Variants in BTK observed in about 807,000 individuals in gnomAD.
BTK encodes tyrosine-protein kinase BTK.
Under a neutral mutation model 57.4 loss-of-function variants are expected in BTK, and 5 were observed. The observed-to-expected ratio is 0.09, with a 90% confidence interval of 0.05 to 0.18. The LOEUF (loss-of-function observed/expected upper bound fraction) is 0.18, where lower values mean the gene tolerates loss of function less well. BTK is among the 10% of genes least tolerant of loss of function. The pLI, the probability that BTK is intolerant of heterozygous loss-of-function variation, is 1.00. For synonymous variants in BTK, 154 were observed against 174.3 expected (o/e 0.88, Z 0.92); for missense variants, 194 against 501.2 (o/e 0.39, Z 5.85).
At position 101,374,508 on chromosome X, in the gene BTK, C is replaced by T. The variant is rs188068482; in HGVS notation, c.240+28G>A. On this transcript the variant is annotated intron_variant, in intron 3 of 18. Transcript: ENST00000308731. ...GCAAATTTCTTCAAATCTGCTGTTC[C>T]CCATCTCAGACATTGGTCTCTTCTT... is the stretch of plus-strand genomic sequence containing the variant. 9.5e-5 allele frequency: 107 copies of T among 1,130,787 alleles called. No homozygotes were observed. In the East Asian group the frequency reaches 2.4e-3, roughly 26 times the overall value. 93.2% of individuals were successfully genotyped at this position (1,130,787 alleles called of 1,213,427 possible).
intron 4 of BTK, among the ~76,000 whole-genome samples, chrX:101,370,507 C>T (rs1262628024): frequency 8.9e-6 from 1 of 111,745 alleles, no homozygotes; most frequent in Admixed American, 9.6e-5. Context: ...GGGTTATTCA[C>T]TTGGATAATA....
At chrX:101,351,696 T>C (rs1319433684) in intron 18 of BTK, among the ~76,000 whole-genome samples, 2 of 111,627 alleles carry the variant, frequency 1.8e-5, no homozygotes, top group Non-Finnish European at 3.8e-5. Context: ...TGGGAAGAAC[T>C]CGAGGTAAGA....
intron 5 of BTK, among the ~76,000 whole-genome samples, chrX:101,369,406 T>C (rs888683283): frequency 3.1e-4 from 35 of 112,002 alleles, no homozygotes; most frequent in African/African-American, 1.1e-3. Context: ...AGTTTGTAAA[T>C]GGTAAAAGAG....
At chrX:101,366,466 A>G (rs3027638) in intron 5 of BTK, among the ~76,000 whole-genome samples, 1,551 of 111,145 alleles carry the variant, frequency 0.014, 31 homozygotes, top group African/African-American at 0.048. Context: ...TTTCATGTCA[A>G]TGATTTCTTA....
intron 1 of BTK, among the ~76,000 whole-genome samples, chrX:101,380,883 A>G (rs1164690535): frequency 9.7e-6 from 1 of 102,856 alleles, no homozygotes; most frequent in African/African-American, 3.8e-5. Context: ...GGCCAACGCT[A>G]CTCTCCCAGC....
chrX:101,354,760 T>C, intron 15 of BTK, 66 bp from the exon 16 acceptor site: 1 of 1,053,121 alleles, frequency 9.5e-7, no homozygotes, highest in Non-Finnish European at 1.3e-6. Context: ...ACAAAGCTTC[T>C]GCTGACCAGT....
At chrX:101,358,152 T>C in intron 12 of BTK, 158 bp downstream of exon 12, 1 of 821,737 alleles carries the variant, frequency 1.2e-6, no homozygotes, top group Non-Finnish European at 1.8e-6. Context: ...GGTCTGCCTC[T>C]GACCACCTCT....
chrX:101,353,982 G>C lies in BTK; in HGVS notation c.1638C>G (p.Val546=). The change falls in exon 17 of 19, where the codon GTC becomes GTG. Residue 546 remains valine (V), a synonymous_variant. Coordinates refer to ENST00000308731, the MANE Select transcript of BTK (RefSeq NM_000061.3). ...CTGAGCTTGTGTATTCATCATCCAGGACATACCTGCAAGGGATTCAGGACT... is the reference window on the plus strand; with the variant it reads ...CTGAGCTTGTGTATTCATCATCCAGCACATACCTGCAAGGGATTCAGGACT... The part of the protein sequence containing the change: ...KVSDFGLSRY[V]LDDEYTSSVG... 8.4e-7 allele frequency: 1 copy of C among 1,189,327 alleles called. No individual in the cohort carries two copies. The highest frequency in any genetic ancestry group is 3.0e-5 in the East Asian group (1 of 33,770).
chrX:101,361,467 A>G (rs1222119853), intron 7 of BTK, among the ~76,000 whole-genome samples: 7 of 106,328 alleles, frequency 6.6e-5, no homozygotes, highest in African/African-American at 2.5e-4. Flanking sequence ...TGCTCTACTT[A>G]CTTACAATAT....
chrX:101,361,091 A>G (rs1264655852), intron 7 of BTK, among the ~76,000 whole-genome samples: 1 of 110,392 alleles, frequency 9.1e-6, no homozygotes, highest in Non-Finnish European at 1.9e-5. Context: ...TAGTGTGTGC[A>G]TATAGCCCCA....
At chrX:101,364,196 G>A (rs917299266) in intron 5 of BTK, among the ~76,000 whole-genome samples, 9 of 108,676 alleles carry the variant, frequency 8.3e-5, no homozygotes, top group African/African-American at 2.7e-4. Flanking sequence ...ATCACCTGAG[G>A]TGAGGAGTTC....
upstream of BTK, chrX:101,390,570 A>G: frequency 5.8e-6 from 3 of 515,144 alleles, no homozygotes; most frequent in Non-Finnish European, 7.0e-6. Flanking sequence ...AACTGGAACA[A>G]TTGGCTCCCT....
chrX:101,367,175 C>T (rs1208806270), intron 5 of BTK, among the ~76,000 whole-genome samples: 1 of 106,871 alleles, frequency 9.4e-6, no homozygotes, highest in African/African-American at 3.4e-5. Flanking sequence ...ACCTAGGAGG[C>T]GGCGGTTGCA....
At chrX:101,355,676 C>T (rs1249854530) in intron 15 of BTK, 7 of 219,824 alleles carry the variant, frequency 3.2e-5, no homozygotes, top group Admixed American at 1.2e-4. Flanking sequence ...CCAAATGCAT[C>T]CACAGGCCCC....
In BTK at chrX:101,358,434, G is replaced by T. The variant is rs781947474; in HGVS notation, c.978C>A (p.Asp326Glu). ...TVSVFAKSTG[D>E]PQGVIRHYVV... ...CATAATGACGTATCACCCCTTGAGG[G>T]TCCCTGAAGAAGTGGATGCTTAGTC... Residue 326 changes from aspartate to glutamate, a missense_variant, in exon 12 of 19, where the codon GAC becomes GAA. Physicochemically the swap from Asp to Glu is conservative, Grantham distance 45. This residue lies in a region of BTK where 115 missense variants were observed against 258.3 expected (regional missense o/e 0.45). Transcript: ENST00000308731. The T allele has an allele frequency of 8.3e-7, 1 of 1,211,822 alleles. No homozygotes were observed. Among genetic ancestry groups the T allele is most frequent in the Non-Finnish European group, 1.1e-6 (1 of 895,521 alleles).
In BTK at chrX:101,385,302, G is replaced by A. The variant is rs781823988; in HGVS notation, c.-31+760C>T. ...GAGGAGGAGGTTGGAGAGGAGGAAA[G>A]GAAAGGAGAAATAATGAAGACAAGA... On this transcript the variant is annotated intron_variant, in intron 1 of 18. Transcript: ENST00000308731. 2.7e-5 allele frequency among the ~76,000 whole-genome samples: 3 copies of A among 111,755 alleles called. No individual in the cohort carries two copies. The South Asian group carries it at 1.1e-3, about 42-fold the overall frequency.
At chrX:101,369,039 T>A (rs782264322) in intron 5 of BTK, among the ~76,000 whole-genome samples, 1 of 112,617 alleles carries the variant, frequency 8.9e-6, no homozygotes, top group Non-Finnish European at 1.9e-5. Context: ...GACATGTGGC[T>A]ATATATACAC....
At chrX:101,350,401 C>CTTT (rs782749965) in intron 18 of BTK, among the ~76,000 whole-genome samples, 3 of 68,715 alleles carry the variant, frequency 4.4e-5, no homozygotes, top group Non-Finnish European at 8.2e-5. Context: ...TACCTGGGAC[C>CTTT]TTTTTTTTTT....
chrX:101,353,302 T>A lies in BTK; in HGVS notation c.1800A>T (p.Arg600Ser). 8.3e-7 allele frequency: 1 copy of A among 1,210,546 alleles called. No individual in the cohort carries two copies. Among genetic ancestry groups the A allele is most frequent in the Non-Finnish European group, 1.1e-6 (1 of 894,838 alleles). ...IYSLGKMPYE[R>S]FTNSETAEHI... ...GTTCAGCAGTCTCACTGTTAGTAAATCTCTCATATGGCATCTTCCCCAGGG... is the reference window on the plus strand; with the variant it reads ...GTTCAGCAGTCTCACTGTTAGTAAAACTCTCATATGGCATCTTCCCCAGGG... Residue 600 changes from arginine to serine, a missense_variant, in exon 18 of 19, where the codon AGA (arginine) becomes AGT (serine). Coordinates refer to ENST00000308731, the MANE Select transcript of BTK (RefSeq NM_000061.3).
Sources: gnomAD v4.1 joint callset for allele counts (sites outside exome capture counted in the v4.1 genomes callset) on GRCh38, gnomAD v4.1.1 for gene constraint, gnomAD v4.1.1 regional missense constraint, MANE v1.5 for transcripts, NCBI Gene and HGNC (gene_info 2026-07-23, HGNC 2026-07-21) for gene names.